ATP10B: variants seen among roughly 807,000 people sequenced by gnomAD.
ATP10B encodes phospholipid-transporting ATPase VB.
In ATP10B, 122 loss-of-function variants were observed where a neutral mutation model predicts 141.2. The ratio of observed to expected loss-of-function variants is 0.86; its 90% CI spans 0.75 to 1.00. The LOEUF is 1.00. Ranked by LOEUF, ATP10B falls within the 50% of genes least tolerant of loss-of-function variation. ATP10B has a pLI of 0.00. For synonymous variants in ATP10B, 685 were observed against 692.0 expected, an observed-to-expected ratio of 0.99 and a Z score of 0.16; for missense variants, 1,876 against 1,825.3, an observed-to-expected ratio of 1.03 and a Z score of -0.51.
chr5:160,919,886 T>A, the ATP10B span, among the ~76,000 whole-genome samples: 10 of 152,358 alleles, frequency 6.6e-5, no homozygotes, highest in South Asian at 1.9e-3. Flanking sequence ...AATGAGCCAA[T>A]GGAAAGCTGT....
At chr5:160,649,142 A>G in intron 8 of ATP10B, 29 bp downstream of exon 8, 1 of 1,493,782 alleles carries the variant, frequency 6.7e-7, no homozygotes, top group East Asian at 2.3e-5. Context: ...GGAGATATTT[A>G]CTAGCAGCAT....
chr5:160,836,593 A>G (rs1229487648), intron 1 of ATP10B, among the ~76,000 whole-genome samples: 2 of 152,108 alleles, frequency 1.3e-5, no homozygotes, highest in African/African-American at 4.8e-5. Context: ...TTACTGAATA[A>G]TACCCTCGGT....
At chr5:160,658,386 G>A (rs1761654504) in intron 7 of ATP10B, among the ~76,000 whole-genome samples, 1 of 152,222 alleles carries the variant, frequency 6.6e-6, no homozygotes, top group South Asian at 2.1e-4. Flanking sequence ...ATAGGAGAGA[G>A]ACAGAGGGTA....
At chr5:160,818,591 C>G (rs955662090) in intron 1 of ATP10B, among the ~76,000 whole-genome samples, 2 of 152,192 alleles carry the variant, frequency 1.3e-5, no homozygotes, top group African/African-American at 4.8e-5. Context: ...GTCAGTGTGG[C>G]AATTCCTCAG....
intron 1 of ATP10B, among the ~76,000 whole-genome samples, chr5:160,806,198 G>C (rs188276117): frequency 6.6e-6 from 1 of 152,272 alleles, no homozygotes; most frequent in Non-Finnish European, 1.5e-5. Context: ...CAGAAATCAT[G>C]TTTAACCGGA....
intron 1 of ATP10B, among the ~76,000 whole-genome samples, chr5:160,815,590 C>T (rs1773545755): frequency 6.6e-6 from 1 of 152,210 alleles, no homozygotes; most frequent in South Asian, 2.1e-4. Flanking sequence ...CCACTGACAA[C>T]ATTAGACAGA....
At chr5:160,622,677 T>C in intron 13 of ATP10B, 92 bp from the exon 14 acceptor site, 1 of 1,179,970 alleles carries the variant, frequency 8.5e-7, no homozygotes, top group African/African-American at 1.5e-5. Flanking sequence ...ATGATGCAGC[T>C]TCATTGCAGT....
the ATP10B span, among the ~76,000 whole-genome samples, chr5:160,912,124 G>A: frequency 6.6e-6 from 1 of 152,080 alleles, no homozygotes; most frequent in African/African-American, 2.4e-5. Context: ...AAAGGGGACA[G>A]GCAGAACTTT....
the ATP10B span, among the ~76,000 whole-genome samples, chr5:160,915,336 C>CTT: frequency 9.0e-5 from 13 of 145,164 alleles, no homozygotes; most frequent in African/African-American, 2.5e-4. Flanking sequence ...AGCACACTGA[C>CTT]TTTTTTTTTT....
At chr5:160,741,520 T>C (rs1767478805) in intron 2 of ATP10B, among the ~76,000 whole-genome samples, 1 of 152,178 alleles carries the variant, frequency 6.6e-6, no homozygotes, top group Admixed American at 6.5e-5. Context: ...TACAAGAGCT[T>C]ATAGGGTAAA....
At chr5:160,604,133 G>A (rs1757249160) in intron 19 of ATP10B, 92 bp from the exon 20 acceptor site, 1 of 904,098 alleles carries the variant, frequency 1.1e-6, no homozygotes, top group Non-Finnish European at 1.8e-6. Flanking sequence ...ACATACAATT[G>A]AATCCTTTTA....
At position 160,829,930 on chromosome 5, in the gene ATP10B, C is replaced by T. The variant is rs116753382; in HGVS notation, c.-576+22011G>A. 7.0e-3 allele frequency among the ~76,000 whole-genome samples: 1,061 copies of T among 152,000 alleles called. 14 individuals are homozygous for T. Among genetic ancestry groups the T allele is most frequent in the African/African-American group, 0.021 (887 of 41,490 alleles). Reference sequence around the variant, plus strand: ...TAATTTGACTTCTTCCTTTCCTATCCGGATGCCTTTTATTTCTTTCTCTTG... The same window carrying T: ...TAATTTGACTTCTTCCTTTCCTATCTGGATGCCTTTTATTTCTTTCTCTTG... On this transcript the variant is annotated intron_variant, in intron 1 of 25. Transcript: ENST00000327245.
rs1046163683 is a variant in ATP10B, at chr5:160,799,069, C to T, written c.-575-13266G>A. The stretch of plus-strand genomic sequence containing the variant: ...CCCAGCCATGAAAAGACTGTTTCAT[C>T]GTTAGTGAAATGGAAATCCATCACA... On this transcript the variant is annotated intron_variant, in intron 1 of 25. Coordinates refer to ENST00000327245, the MANE Select transcript of ATP10B (RefSeq NM_025153.3). 2.6e-5 allele frequency among the ~76,000 whole-genome samples: 4 copies of T among 151,320 alleles called. No homozygotes were observed. In the East Asian group the frequency reaches 6.2e-4, roughly 24 times the overall value.
chr5:160,703,201 A>T (rs909771646), intron 3 of ATP10B, among the ~76,000 whole-genome samples: 2 of 152,126 alleles, frequency 1.3e-5, no homozygotes, highest in African/African-American at 4.8e-5. Context: ...ATATAATTAC[A>T]TATAGGCGTA....
chr5:160,701,873 C>G (rs1764704273), intron 3 of ATP10B, among the ~76,000 whole-genome samples: 1 of 151,898 alleles, frequency 6.6e-6, no homozygotes, highest in Admixed American at 6.5e-5. Flanking sequence ...CCCCTCTGCC[C>G]CAGTGCCTCC....
chr5:160,819,071 C>G lies in ATP10B; in HGVS notation c.-576+32870G>C, dbSNP rs139633299. ...GCTAATGACGAGTTAATGGGTGCAG[C>G]ACACCAACATGGCACGTGTATACAT... On this transcript the variant is annotated intron_variant, in intron 1 of 25. Coordinates refer to ENST00000327245, the MANE Select transcript of ATP10B (RefSeq NM_025153.3). Among the ~76,000 whole-genome samples, 1,067 of 152,162 alleles carry G rather than the reference C, an allele frequency of 7.0e-3. 18 individuals are homozygous for G. Among genetic ancestry groups the G allele is most frequent in the African/African-American group, 0.024 (1,005 of 41,532 alleles).
rs369297281 is a variant in ATP10B at position 160,565,558 on chromosome 5, C to T, written c.4281G>A (p.Leu1427=). 1.9e-6 allele frequency: 3 copies of T among 1,614,016 alleles called. No individual in the cohort carries two copies. The highest frequency in any genetic ancestry group is 1.7e-5 in the Admixed American group (1 of 59,998). Residue 1427 remains leucine, a synonymous_variant, in exon 26 of 26, where the codon CTG becomes CTA. Coordinates refer to ENST00000327245, the MANE Select transcript of ATP10B (RefSeq NM_025153.3). ...AGGCCATTATCCTGTTAGGTCCCAG[C>T]AGGTGCTCCCCGGATGAGAGTTGAG... The part of the protein sequence containing the change: ...SSAQLSSGEH[L]LGPNRIMAYS...
intron 3 of ATP10B, among the ~76,000 whole-genome samples, chr5:160,704,716 TCATCTA>T (rs1252454330): frequency 6.6e-6 from 1 of 151,238 alleles, no homozygotes; most frequent in Non-Finnish European, 1.5e-5. Flanking sequence ...CATTAAAAAC[TCATCTA>T]CACTAAAAAT....
chr5:160,868,749 G>A, the ATP10B span, among the ~76,000 whole-genome samples: 1 of 152,080 alleles, frequency 6.6e-6, no homozygotes, highest in Non-Finnish European at 1.5e-5. Context: ...TTACACATTA[G>A]ACATGACTAA....
Sources: gnomAD v4.1 joint callset for allele counts (sites outside exome capture counted in the v4.1 genomes callset) on GRCh38, gnomAD v4.1.1 for gene constraint, MANE v1.5 for transcripts, NCBI Gene and HGNC (gene_info 2026-07-23, HGNC 2026-07-21) for gene names.